Variants in HTRA3 observed in about 807,000 individuals in gnomAD.
The protein encoded by HTRA3 is HtrA serine peptidase 3, also known as serine protease HTRA3.
HTRA3 carries 41 observed loss-of-function variants against 43.2 expected under a neutral mutation model. That is an observed-to-expected ratio of 0.95 (90% CI 0.74 to 1.23). The LOEUF (loss-of-function observed/expected upper bound fraction) is 1.23, where lower values mean the gene tolerates loss of function less well. Among genes scored for constraint, HTRA3 ranks in the 50% most tolerant of loss-of-function variants. HTRA3 has a pLI of 0.00. For synonymous variants in HTRA3, 295 were observed against 287.9 expected (o/e 1.02, Z -0.25); for missense variants, 628 against 647.1 (o/e 0.97, Z 0.32).
In HTRA3 at chr4:8,279,498, C is replaced by A. The variant is rs1483696519; in HGVS notation, c.386-2939C>A. Among the ~76,000 whole-genome samples the A allele has an allele frequency of 1.3e-5, 2 of 152,130 alleles. No homozygotes were observed. The highest frequency in any genetic ancestry group is 2.4e-5 in the African/African-American group (1 of 41,416). ...GCCGCGTCAGAGCTCAGGGGCCCAG[C>A]AGCCCAGGCGCTTGAGGGGGTCCAG... On this transcript the variant is annotated intron_variant, in intron 1 of 8. Coordinates refer to ENST00000307358, the MANE Select transcript of HTRA3 (RefSeq NM_053044.5). This position sits in a 1 kb window ranked among gnomAD's most constrained non-coding sequence, Gnocchi z 7.4.
At position 8,282,537 on chromosome 4, in the gene HTRA3, G is replaced by A; in HGVS notation, c.485+1G>A. ...TGGTCCACATAGAGCTCTTCCTGAGGTGGGTGAATACCCCTCGCCCCTCTC... is the reference window on the plus strand; with the variant it reads ...TGGTCCACATAGAGCTCTTCCTGAGATGGGTGAATACCCCTCGCCCCTCTC... On this transcript the variant is annotated splice_donor_variant, in intron 2 of 8. Coordinates refer to ENST00000307358, the MANE Select transcript of HTRA3 (RefSeq NM_053044.5). LOFTEE classifies it high-confidence loss of function. 6.2e-7 allele frequency: 1 copy of A among 1,610,754 alleles called. No homozygotes were observed. Among genetic ancestry groups the A allele is most frequent in the Non-Finnish European group, 8.5e-7 (1 of 1,177,054 alleles).
chr4:8,306,222 T>C lies in HTRA3; in HGVS notation c.*86T>C. 1 of 1,401,092 alleles carries C rather than the reference T, an allele frequency of 7.1e-7. No homozygotes were observed. The highest frequency in any genetic ancestry group is 1.4e-5 in the South Asian group (1 of 70,010). 86.8% of individuals were successfully genotyped at this position (1,401,092 alleles called of 1,614,324 possible). ...CCGAGATCAGGACGAAGGACCACCG[T>C]CGGTCCTCAGCAGGGCGGCAGCCTC... On this transcript the variant is annotated 3_prime_UTR_variant, in exon 9 of 9. Transcript: ENST00000307358. The surrounding 1 kb of genome is among the most constrained non-coding windows in gnomAD (Gnocchi z 8.9).
At chr4:8,293,800 C>T (rs1322992497) in intron 5 of HTRA3, among the ~76,000 whole-genome samples, 4 of 152,156 alleles carry the variant, frequency 2.6e-5, no homozygotes, top group South Asian at 2.1e-4. Context: ...GCCCAGTGGC[C>T]GTGCTTCTTA....
At chr4:8,301,998 C>T (rs1241873241) in intron 6 of HTRA3, among the ~76,000 whole-genome samples, 1 of 152,204 alleles carries the variant, frequency 6.6e-6, no homozygotes, top group Non-Finnish European at 1.5e-5. Context: ...TGCAGTGCCC[C>T]AGCCACAGGG....
In HTRA3 at chr4:8,296,484, T is replaced by TTAA. The variant is rs1713462081; in HGVS notation, c.1051+2283_1051+2284insTAA. 1 of 984,970 alleles carries TTAA rather than the reference T, an allele frequency of 1.0e-6. No individual in the cohort carries two copies. Among genetic ancestry groups the TTAA allele is most frequent in the South Asian group, 4.7e-5 (1 of 21,290 alleles). 61.0% of individuals were successfully genotyped at this position (984,970 alleles called of 1,614,324 possible). A position where few individuals can be genotyped will look rare whatever the true frequency, so the allele number is the denominator to read the frequency against. ...AATCCAATGATCCAAACCCAGTTAATCTAAAGTTCTTTGAAATGAACCATC... is the reference window on the plus strand; with the variant it reads ...AATCCAATGATCCAAACCCAGTTAATTAACTAAAGTTCTTTGAAATGAACCATC... On this transcript the variant is annotated intron_variant, in intron 6 of 8. Transcript: ENST00000307358. This position sits in a 1 kb window ranked among gnomAD's most constrained non-coding sequence, Gnocchi z 5.3.
intron 4 of HTRA3, 127 bp from the exon 5 acceptor site, chr4:8,292,194 T>A: frequency 2.6e-6 from 2 of 769,852 alleles, no homozygotes; most frequent in Non-Finnish European, 4.3e-6. Flanking sequence ...ACTGAGGCCT[T>A]TCGATGCTGC....
In HTRA3 at chr4:8,295,501, G is replaced by A. The variant is rs114209393; in HGVS notation, c.1051+1300G>A. Among the ~76,000 whole-genome samples the A allele has an allele frequency of 2.5e-3, 375 of 152,300 alleles. 1 individual carries two copies. The highest frequency in any genetic ancestry group is 8.6e-3 in the African/African-American group (357 of 41,550). ...CCATTGCCTCCTTAAGTGGGCAGTC[G>A]CAGCCACCTTCCAGAGCAGGGCCAT... On this transcript the variant is annotated intron_variant, in intron 6 of 8. Coordinates refer to ENST00000307358, the MANE Select transcript of HTRA3 (RefSeq NM_053044.5). The surrounding 1 kb of genome is among the most constrained non-coding windows in gnomAD (Gnocchi z 6.9).
intron 1 of HTRA3, among the ~76,000 whole-genome samples, chr4:8,272,692 G>A (rs1488222319): frequency 1.3e-5 from 2 of 152,264 alleles, no homozygotes; most frequent in Non-Finnish European, 2.9e-5. Flanking sequence ...GTGCCAAGCT[G>A]TGGAGGAGGA....
Position 8,300,021 on chromosome 4 carries a change from G to A in HTRA3, c.1052-2442G>A, listed in dbSNP as rs143641581. On this transcript the variant is annotated intron_variant, in intron 6 of 8. Coordinates refer to ENST00000307358, the MANE Select transcript of HTRA3 (RefSeq NM_053044.5). ...TGCCCAGCTAATTTTTGTATTTTTAGTAGAGATGGGGTTTCACCATGTTGG... is the reference window on the plus strand; with the variant it reads ...TGCCCAGCTAATTTTTGTATTTTTAATAGAGATGGGGTTTCACCATGTTGG... Among the ~76,000 whole-genome samples the A allele has an allele frequency of 7.7e-3, 1,166 of 152,172 alleles. 16 individuals are homozygous for A. Among genetic ancestry groups the A allele is most frequent in the African/African-American group, 0.027 (1,114 of 41,520 alleles).
In HTRA3 at chr4:8,306,286, C is replaced by A. The variant is rs938624217; in HGVS notation, c.*150C>A. 4.9e-6 allele frequency: 4 copies of A among 819,840 alleles called. No individual in the cohort carries two copies. The African/African-American group carries it at 7.1e-5, about 14-fold the overall frequency. The allele number at this position is 819,840 out of a possible 1,614,324, so 50.8% of individuals were successfully genotyped here. A position where few individuals can be genotyped will look rare whatever the true frequency, so the allele number is the denominator to read the frequency against. On this transcript the variant is annotated 3_prime_UTR_variant, in exon 9 of 9. Transcript: ENST00000307358. This position sits in a 1 kb window ranked among gnomAD's most constrained non-coding sequence, Gnocchi z 8.9. ...GGGGCAGAGCGGAGGCTGGGCTTGGCCAGGGGCCCGAATTTCCGCCTGGGG... is the reference window on the plus strand; with the variant it reads ...GGGGCAGAGCGGAGGCTGGGCTTGGACAGGGGCCCGAATTTCCGCCTGGGG...
rs1011804217 is a variant in HTRA3 at position 8,295,759 on chromosome 4, C to G, written c.1051+1558C>G. On this transcript the variant is annotated intron_variant, in intron 6 of 8. Transcript: ENST00000307358. This position sits in a 1 kb window ranked among gnomAD's most constrained non-coding sequence, Gnocchi z 6.9. ...CACGTTTCCCCCTCCTCCATGACCC[C>G]GTCAGCCAAGCACATGGACCCCAGT... 1.0e-5 allele frequency: 13 copies of G among 1,303,962 alleles called. No homozygotes were observed. The African/African-American group carries it at 1.5e-4, about 15-fold the overall frequency. 80.8% of individuals were successfully genotyped at this position (1,303,962 alleles called of 1,614,324 possible). A position where few individuals can be genotyped will look rare whatever the true frequency, so the allele number is the denominator to read the frequency against.
chr4:8,285,065 C>T (rs559832613), intron 2 of HTRA3, among the ~76,000 whole-genome samples: 25 of 152,198 alleles, frequency 1.6e-4, no homozygotes, highest in African/African-American at 3.1e-4. Context: ...GTCCTTGGTA[C>T]GCCTCGGCCC....
rs1187908147 is a variant in HTRA3 at position 8,270,360 on chromosome 4, G to C, written c.385+7G>C. The C allele has an allele frequency of 1.4e-6, 2 of 1,398,070 alleles. No individual in the cohort carries two copies. Among genetic ancestry groups the C allele is most frequent in the African/African-American group, 3.0e-5 (2 of 65,636 alleles). 86.6% of individuals were successfully genotyped at this position (1,398,070 alleles called of 1,614,324 possible). On this transcript the variant is annotated splice_region_variant and intron_variant, in intron 1 of 8. Coordinates refer to ENST00000307358, the MANE Select transcript of HTRA3 (RefSeq NM_053044.5). ...AAGGGCGCCTGCCCGTTGGGTAAGC[G>C]CTCGGGGGCCAGGGAGGAAGTGAAG...
intron 2 of HTRA3, among the ~76,000 whole-genome samples, chr4:8,283,377 T>C (rs1224635603): frequency 6.6e-6 from 1 of 152,162 alleles, no homozygotes; most frequent in African/African-American, 2.4e-5. Flanking sequence ...CCCCGGTCCC[T>C]GCCACCATCC....
chr4:8,289,366 G>T (rs888595289), intron 3 of HTRA3, among the ~76,000 whole-genome samples: 8 of 152,354 alleles, frequency 5.3e-5, no homozygotes, highest in African/African-American at 1.9e-4. Flanking sequence ...GCACAGGTGG[G>T]TGTGGCTGCG....
intron 1 of HTRA3, among the ~76,000 whole-genome samples, chr4:8,280,010 G>T (rs1045822119): frequency 5.3e-5 from 8 of 152,174 alleles, no homozygotes; most frequent in African/African-American, 1.9e-4. Context: ...GGTACAACTG[G>T]GGCTGCTGCG....
intron 3 of HTRA3, among the ~76,000 whole-genome samples, chr4:8,288,467 G>A (rs1401585631): frequency 1.3e-5 from 2 of 151,942 alleles, no homozygotes; most frequent in East Asian, 1.9e-4. Context: ...TAGAGACGGG[G>A]TTTCTCCATG....
intron 6 of HTRA3, among the ~76,000 whole-genome samples, chr4:8,298,280 C>A (rs1713528416): frequency 6.6e-6 from 1 of 152,246 alleles, no homozygotes; most frequent in Admixed American, 6.5e-5. Context: ...CCCCATCTCC[C>A]ACATGGTTTA....
intron 7 of HTRA3, among the ~76,000 whole-genome samples, chr4:8,303,982 C>G (rs116512943): frequency 8.6e-4 from 131 of 152,342 alleles, no homozygotes; most frequent in African/African-American, 2.9e-3. Flanking sequence ...CTTCACGCTT[C>G]TAACCAGCTA....
Sources: gnomAD v4.1 joint callset for allele counts (sites outside exome capture counted in the v4.1 genomes callset) on GRCh38, gnomAD v4.1.1 for gene constraint, Gnocchi (gnomAD v3.1) non-coding constraint, MANE v1.5 for transcripts, NCBI Gene and HGNC (gene_info 2026-07-23, HGNC 2026-07-21) for gene names.